MYO5B: variants seen among roughly 807,000 people sequenced by gnomAD.
The protein encoded by MYO5B is unconventional myosin-Vb.
A neutral mutation model predicts 229.3 loss-of-function variants in MYO5B; 143 were observed. The observed-to-expected ratio is 0.62, with a 90% CI of 0.54 to 0.72. MYO5B has a LOEUF of 0.72. Ranked by LOEUF, MYO5B falls within the 30% of genes least tolerant of loss-of-function variation. The pLI is 0.00. For synonymous variants in MYO5B, 918 were observed against 885.2 expected (o/e 1.04, Z -0.66); for missense variants, 2,321 against 2,331.0 (o/e 1.00, Z 0.09).
intron 14 of MYO5B, among the ~76,000 whole-genome samples, chr18:49,952,139 A>G (rs1021740832): frequency 2.0e-5 from 3 of 152,220 alleles, no homozygotes; most frequent in Non-Finnish European, 4.4e-5. Context: ...ACCACGTGAT[A>G]GAACAGGGTT....
intron 1 of MYO5B, among the ~76,000 whole-genome samples, chr18:50,093,700 T>A (rs2031494828): frequency 6.6e-6 from 1 of 151,712 alleles, no homozygotes; most frequent in African/African-American, 2.4e-5. Flanking sequence ...AAAAACAAGA[T>A]GGAAATTAAA....
chr18:49,903,047 T>C (rs1314529155), intron 20 of MYO5B, among the ~76,000 whole-genome samples: 1 of 152,230 alleles, frequency 6.6e-6, no homozygotes, highest in Non-Finnish European at 1.5e-5. Context: ...GGGAATCAGC[T>C]GTCAAACTCT....
At position 49,847,231 on chromosome 18, in the gene MYO5B, C is replaced by T. The variant is rs373704566; in HGVS notation, c.4374G>A (p.Thr1458=). Residue 1458 remains threonine (T), a synonymous_variant, in exon 33 of 40, where the codon ACG becomes ACA. Transcript: ENST00000285039. ...GGAAATCCTTCTCTTTCCGCTGGAC[C>T]GTGACCTGCCTGTTGAGCTCATGGC... The part of the protein sequence containing the change: ...RKRHELNRQV[T]VQRKEKDFQG... 4.1e-5 allele frequency: 66 copies of T among 1,614,098 alleles called. 1 individual carries two copies. The African/African-American group carries it at 6.7e-4, about 16-fold the overall frequency.
chr18:49,934,060 G>A (rs1248412977), intron 16 of MYO5B, among the ~76,000 whole-genome samples: 2 of 152,074 alleles, frequency 1.3e-5, no homozygotes, highest in African/African-American at 4.8e-5. Flanking sequence ...ATTTTTTGTA[G>A]AGGTTGGGTC....
intron 18 of MYO5B, among the ~76,000 whole-genome samples, chr18:49,906,840 C>T (rs566444539): frequency 6.6e-6 from 1 of 152,300 alleles, no homozygotes; most frequent in East Asian, 1.9e-4. Flanking sequence ...AACAAGACGC[C>T]TGCCCTCAAG....
intron 1 of MYO5B, among the ~76,000 whole-genome samples, chr18:50,096,008 C>G (rs8087466): frequency 0.092 from 14,051 of 152,220 alleles, 1,189 homozygotes; most frequent in African/African-American, 0.23. Context: ...TTCACTTCTG[C>G]TACCAGGGCA....
At chr18:50,080,576 T>C (rs950545004) in intron 1 of MYO5B, among the ~76,000 whole-genome samples, 6 of 152,178 alleles carry the variant, frequency 3.9e-5, no homozygotes, top group East Asian at 1.9e-4. Context: ...TTGTAGGCCA[T>C]CCACAGTCAC....
intron 4 of MYO5B, 147 bp downstream of exon 4, chr18:50,036,703 T>C: frequency 1.1e-6 from 1 of 885,418 alleles, no homozygotes; most frequent in East Asian, 2.6e-5. Context: ...AGGTAGGCAG[T>C]AGAACTTGGG....
chr18:50,018,047 C>T (rs892757703), intron 4 of MYO5B, among the ~76,000 whole-genome samples: 2 of 152,126 alleles, frequency 1.3e-5, no homozygotes, highest in African/African-American at 4.8e-5. Flanking sequence ...GTGTTTTTTT[C>T]TCCAGTCACT....
chr18:49,877,796 G>A lies in MYO5B; in HGVS notation c.3363C>T (p.Ile1121=), dbSNP rs28637129. 1.1e-3 allele frequency: 1,773 copies of A among 1,614,102 alleles called. 22 individuals are homozygous for A. The African/African-American group carries it at 0.021, about 19-fold the overall frequency. ...GCTGGAGGGCATCCTCAGTGTCTCC[G>A]ATCTCAGATGTGGAGATGGAGGGGT... ...SNYPSISTSE[I]GDTEDALQQV... Residue 1121 remains isoleucine (I), a synonymous_variant, in exon 25 of 40, where the codon ATC becomes ATT. Transcript: ENST00000285039.
At chr18:50,150,909 T>C (rs1259879778) in intron 1 of MYO5B, among the ~76,000 whole-genome samples, 1 of 152,138 alleles carries the variant, frequency 6.6e-6, no homozygotes, top group Non-Finnish European at 1.5e-5. Context: ...CAGTCACAGC[T>C]CCATACTCAA....
chr18:49,941,707 G>A (rs1203687242), intron 14 of MYO5B, among the ~76,000 whole-genome samples: 3 of 151,832 alleles, frequency 2.0e-5, no homozygotes, highest in African/African-American at 2.4e-5. Context: ...AACATTCCAT[G>A]CTCATGGGTA....
chr18:49,853,517 G>A lies in MYO5B; in HGVS notation c.4153C>T (p.Leu1385Phe). Reference protein sequence around the residue: ...QQQTFCQTLLLSPEAQVEFGV... With the variant: ...QQQTFCQTLLFSPEAQVEFGV... ...AATTCCACCTGGGCCTCTGGGGAGA[G>A]CAGTAGCGTCTGGCAGAAGGTCTGC... The change falls in exon 31 of 40, where the codon CTC becomes TTC. Residue 1385 changes from leucine to phenylalanine, a missense_variant. Around this residue, in one of 2 missense-constraint regions of MYO5B, gnomAD observed 2,113 missense variants for 2,044.7 expected, o/e 1.03. Coordinates refer to ENST00000285039, the MANE Select transcript of MYO5B (RefSeq NM_001080467.3). 1.2e-6 allele frequency: 2 copies of A among 1,614,182 alleles called. No homozygotes were observed. The highest frequency in any genetic ancestry group is 1.7e-6 in the Non-Finnish European group (2 of 1,180,038).
chr18:49,961,356 T>C (rs1402654568), intron 12 of MYO5B, among the ~76,000 whole-genome samples: 1 of 152,170 alleles, frequency 6.6e-6, no homozygotes, highest in African/African-American at 2.4e-5. Flanking sequence ...AAAAAAAATA[T>C]GCAAGCTGTA....
intron 10 of MYO5B, among the ~76,000 whole-genome samples, chr18:49,967,680 T>C (rs2025641198): frequency 6.6e-6 from 1 of 152,164 alleles, no homozygotes; most frequent in Admixed American, 6.5e-5. Flanking sequence ...AGACATCCTT[T>C]CAAGGTCCCT....
In MYO5B at chr18:50,019,460, C is replaced by A. The variant is rs192286709; in HGVS notation, c.455+17390G>T. ...ATCCTCTATTTCGGATCTATCTCACCCAGCAAACTCTTTAATTCAGTGGTC... is the reference window on the plus strand; with the variant it reads ...ATCCTCTATTTCGGATCTATCTCACACAGCAAACTCTTTAATTCAGTGGTC... On this transcript the variant is annotated intron_variant, in intron 4 of 39. Coordinates refer to ENST00000285039, the MANE Select transcript of MYO5B (RefSeq NM_001080467.3). 9.8e-4 allele frequency among the ~76,000 whole-genome samples: 150 copies of A among 152,296 alleles called. 3 individuals carry two copies. In the East Asian group the frequency reaches 0.023, roughly 24 times the overall value.
chr18:49,843,181 G>C, intron 34 of MYO5B, 60 bp downstream of exon 34: 1 of 1,603,536 alleles, frequency 6.2e-7, no homozygotes, highest in Non-Finnish European at 8.5e-7. Context: ...AGAAGCAACA[G>C]TAAGGGGCTG....
At chr18:50,074,252 A>C (rs549019044) in intron 1 of MYO5B, among the ~76,000 whole-genome samples, 1 of 152,330 alleles carries the variant, frequency 6.6e-6, no homozygotes, top group Admixed American at 6.5e-5. Context: ...AGCACGGGAA[A>C]GACCAGCCCC....
chr18:50,054,589 G>T (rs563170327), intron 2 of MYO5B, among the ~76,000 whole-genome samples: 40 of 152,266 alleles, frequency 2.6e-4, no homozygotes, highest in Non-Finnish European at 5.6e-4. Context: ...GTCACAAAAG[G>T]CTCATGAGAA....
Sources: gnomAD v4.1 joint callset for allele counts (sites outside exome capture counted in the v4.1 genomes callset) on GRCh38, gnomAD v4.1.1 for gene constraint, gnomAD v4.1.1 regional missense constraint, MANE v1.5 for transcripts, NCBI Gene and HGNC (gene_info 2026-07-23, HGNC 2026-07-21) for gene names.